Variants in PPEF2 observed in about 807,000 individuals in gnomAD.
PPEF2 encodes the protein serine/threonine-protein phosphatase with EF-hands 2.
Under a neutral mutation model 84.7 loss-of-function variants are expected in PPEF2, and 84 were observed. That is an observed-to-expected ratio of 0.99 (90% CI 0.83 to 1.19). The LOEUF is 1.19. Ranked by LOEUF, PPEF2 falls within the 50% of genes most tolerant of loss-of-function variation. The probability of loss-of-function intolerance (pLI) is 0.00; values close to 1 mark genes in which losing one functional copy is unlikely to be tolerated. For missense variants in PPEF2, 924 were observed against 937.5 expected (o/e 0.99, Z 0.19); for synonymous variants, 346 against 345.2 (o/e 1.00, Z -0.03).
chr4:75,876,807 AC>A, intron 10 of PPEF2, 134 bp from the exon 11 acceptor site: 1 of 946,526 alleles, frequency 1.1e-6, no homozygotes, highest in Non-Finnish European at 1.5e-6. Context: ...GGAGTTCAAG[AC>A]CAGCTTGAGC....
intron 13 of PPEF2, among the ~76,000 whole-genome samples, chr4:75,869,051 C>G (rs1291133048): frequency 1.3e-5 from 2 of 152,160 alleles, no homozygotes; most frequent in Non-Finnish European, 2.9e-5. Context: ...CTAAAACTCA[C>G]CCCAAATTTC....
At chr4:75,894,618 G>A (rs1035607250) in intron 2 of PPEF2, among the ~76,000 whole-genome samples, 1 of 152,234 alleles carries the variant, frequency 6.6e-6, no homozygotes, top group Non-Finnish European at 1.5e-5. Context: ...CCAGACACAT[G>A]TCTCAGGAGC....
Position 75,860,295 on chromosome 4 carries a change from T to G in PPEF2, c.*372A>C. 4.7e-6 allele frequency: 1 copy of G among 213,472 alleles called. No homozygotes were observed. Among genetic ancestry groups the G allele is most frequent in the South Asian group, 8.4e-5 (1 of 11,962 alleles). The allele number at this position is 213,472 out of a possible 1,614,324, so 13.2% of individuals were successfully genotyped here. Reference sequence around the variant, plus strand: ...AGGCGGACTTTGCGGTGAGCCGAGATCGCGCCAATGCACTCCAGCCTGGGC... The same window carrying G: ...AGGCGGACTTTGCGGTGAGCCGAGAGCGCGCCAATGCACTCCAGCCTGGGC... On this transcript the variant is annotated 3_prime_UTR_variant, in exon 17 of 17. Transcript: ENST00000286719.
intron 2 of PPEF2, among the ~76,000 whole-genome samples, chr4:75,894,243 C>G (rs1241253409): frequency 1.1e-4 from 17 of 151,964 alleles, no homozygotes; most frequent in South Asian, 1.0e-3. Flanking sequence ...ATTTATGTCT[C>G]TATATACAAC....
chr4:75,877,003 G>GAAAAAAGAAAGAAAGAAAGAAAGAAAGA, intron 10 of PPEF2, among the ~76,000 whole-genome samples: 1 of 2,930 alleles, frequency 3.4e-4, no homozygotes, highest in South Asian at 0.083. Flanking sequence ...GGGAGACCCT[G>GAAAAAAGAAAGAAAGAAAGAAAGAAAGA]AAAAAAGAAA....
rs183300826 is a variant in PPEF2, at chr4:75,894,891, T to A, written c.55+1380A>T. 2.2e-4 allele frequency among the ~76,000 whole-genome samples: 33 copies of A among 152,348 alleles called. 1 individual carries two copies. Among genetic ancestry groups the A allele is most frequent in the Admixed American group, 1.9e-3 (29 of 15,308 alleles). On this transcript the variant is annotated intron_variant, in intron 2 of 16. Coordinates refer to ENST00000286719, the MANE Select transcript of PPEF2 (RefSeq NM_006239.3). ...AGATAAGGAAACCCTGAGCTGAAGC[T>A]AATTCCAAAATTGGTCCAAACAAGT...
At chr4:75,865,934 G>A (rs1724119155) in intron 15 of PPEF2, among the ~76,000 whole-genome samples, 1 of 152,152 alleles carries the variant, frequency 6.6e-6, no homozygotes, top group South Asian at 2.1e-4. Context: ...GCTAACCTCT[G>A]TGGGCAGTGT....
rs764518308 is a variant in PPEF2 at position 75,864,400 on chromosome 4, T to C, written c.2008+40A>G. On this transcript the variant is annotated intron_variant, in intron 16 of 16. Transcript: ENST00000286719. ...GATTAAGGGTTTAAGGTAAAATACT[T>C]GCAGTGCTTCAAAAGTGATAGAATA... 4.9e-6 allele frequency: 7 copies of C among 1,428,382 alleles called. No homozygotes were observed. In the South Asian group the frequency reaches 8.1e-5, roughly 16 times the overall value. The allele number at this position is 1,428,382 out of a possible 1,614,324, so 88.5% of individuals were successfully genotyped here. A position where few individuals can be genotyped will look rare whatever the true frequency, so the allele number is the denominator to read the frequency against.
Position 75,888,225 on chromosome 4 carries a change from A to T in PPEF2, c.521T>A (p.Ile174Asn), listed in dbSNP as rs780087638. ...NRVSTCYSEE[I>N]TVCGDLHGQL... ...TGACCAGCTCTTACCACACACTGTG[A>T]TCTCCTCACTGTAACAGGTTGAGAC... The change falls in exon 6 of 17, where the codon ATC becomes AAC. Residue 174 changes from isoleucine (I) to asparagine (N), a missense_variant. Transcript: ENST00000286719. 40 of 1,609,758 alleles carry T rather than the reference A, an allele frequency of 2.5e-5. No homozygotes were observed. The highest frequency in any genetic ancestry group is 3.1e-5 in the Non-Finnish European group (37 of 1,176,196).
chr4:75,869,816 C>T (rs1434366373), intron 13 of PPEF2, among the ~76,000 whole-genome samples: 1 of 151,416 alleles, frequency 6.6e-6, no homozygotes. Context: ...CACTGTACTA[C>T]AGCCTGGGTG....
rs755829867 is a variant in PPEF2, at chr4:75,883,000, T to A, written c.859A>T (p.Lys287Ter). ...WLPLATLIDE[K>*]VLILHGGVSD... The stretch of plus-strand genomic sequence containing the variant: ...ACCCCACCATGAAGAATTAGAACTT[T>A]CTCATCTATCAGAGTGGCCAGTGGA... Residue 287 changes from lysine (K) to a stop codon, truncating the protein, a stop_gained, in exon 10 of 17, where the codon AAA becomes TAA. Transcript: ENST00000286719. LOFTEE classifies it high-confidence loss of function. 1 of 1,614,186 alleles carries A rather than the reference T, an allele frequency of 6.2e-7. No individual in the cohort carries two copies. The highest frequency in any genetic ancestry group is 1.7e-5 in the Admixed American group (1 of 60,018).
At chr4:75,874,586 A>C (rs1578004954) in intron 11 of PPEF2, among the ~76,000 whole-genome samples, 1 of 152,202 alleles carries the variant, frequency 6.6e-6, no homozygotes, top group Non-Finnish European at 1.5e-5. Context: ...GGCGTGAGCC[A>C]CCACACTTAG....
At chr4:75,862,292 C>A (rs75565470) in intron 16 of PPEF2, among the ~76,000 whole-genome samples, 1 of 77,412 alleles carries the variant, frequency 1.3e-5, no homozygotes, top group African/African-American at 4.9e-5. Context: ...GACTCCATCT[C>A]AAAAAAAAAA....
chr4:75,893,078 T>C (rs535040913), intron 2 of PPEF2, among the ~76,000 whole-genome samples: 1 of 152,328 alleles, frequency 6.6e-6, no homozygotes, highest in Admixed American at 6.5e-5. Flanking sequence ...GGGAGGAACT[T>C]AAACAAAGAT....
chr4:75,865,449 A>G (rs1349067784), intron 15 of PPEF2, among the ~76,000 whole-genome samples: 3 of 151,788 alleles, frequency 2.0e-5, no homozygotes, highest in African/African-American at 7.3e-5. Flanking sequence ...GTGCAGTGGC[A>G]TGGTCTTGGC....
chr4:75,879,892 C>A (rs1353178968), intron 10 of PPEF2, among the ~76,000 whole-genome samples: 1 of 151,466 alleles, frequency 6.6e-6, no homozygotes, highest in African/African-American at 2.4e-5. Context: ...TGCAGTGGTG[C>A]GATCTCGGCT....
Position 75,866,294 on chromosome 4 carries a change from C to T in PPEF2, c.1815G>A (p.Leu605=). ...GCTGTGGCCTCAGCATCCGCCATGGCAGTCCTAGGTGCAACACAGACTCCA... is the reference window on the plus strand; with the variant it reads ...GCTGTGGCCTCAGCATCCGCCATGGTAGTCCTAGGTGCAACACAGACTCCA... ...AAVESVLHLG[L]PWRMLRPQLV... Residue 605 remains leucine, a synonymous_variant, in exon 15 of 17, where the codon CTG becomes CTA. Transcript: ENST00000286719. 2 of 1,614,166 alleles carry T rather than the reference C, an allele frequency of 1.2e-6. No homozygotes were observed. Among genetic ancestry groups the T allele is most frequent in the Non-Finnish European group, 1.7e-6 (2 of 1,180,034 alleles).
At chr4:75,881,565 G>A (rs1410492469) in intron 10 of PPEF2, 3 of 152,136 alleles carry the variant, frequency 2.0e-5, no homozygotes, top group African/African-American at 7.2e-5. Flanking sequence ...GTGAGACCTT[G>A]TCTCAAAAAC....
At chr4:75,864,357 A>T (rs1724077457) in intron 16 of PPEF2, 83 bp downstream of exon 16, 6 of 1,048,452 alleles carry the variant, frequency 5.7e-6, no homozygotes, top group South Asian at 4.0e-5. Context: ...GAGATGAATG[A>T]GGATGAATCA....
Sources: allele counts gnomAD v4.1 joint callset (sites outside exome capture counted in the v4.1 genomes callset), GRCh38; gene constraint gnomAD v4.1.1; transcripts MANE v1.5; gene names NCBI Gene and HGNC (gene_info 2026-07-23, HGNC 2026-07-21).